SLC5A4: variants seen among roughly 807,000 people sequenced by gnomAD.
SLC5A4 encodes the protein solute carrier family 5 member 4, also known as probable glucose sensor protein SLC5A4.
In SLC5A4, 55 loss-of-function variants were observed where a neutral mutation model predicts 70.3. The observed-to-expected ratio is 0.78, with a 90% CI of 0.63 to 0.98. SLC5A4 has a LOEUF of 0.98. Among genes scored for constraint, SLC5A4 ranks in the 50% least tolerant of loss-of-function variants. The pLI, the probability that SLC5A4 is intolerant of heterozygous loss-of-function variation, is 0.00. For missense variants in SLC5A4, 735 were observed against 839.2 expected, an observed-to-expected ratio of 0.88 and a Z score of 1.53; for synonymous variants, 268 against 305.7, an observed-to-expected ratio of 0.88 and a Z score of 1.29.
At chr22:32,328,565 C>T in the SLC5A4 span, among the ~76,000 whole-genome samples, 1 of 152,140 alleles carries the variant, frequency 6.6e-6, no homozygotes. Context: ...GAACCTACTA[C>T]CAGCCACCTG....
At chr22:32,322,553 T>C in the SLC5A4 span, among the ~76,000 whole-genome samples, 1 of 147,612 alleles carries the variant, frequency 6.8e-6, no homozygotes, top group Admixed American at 6.9e-5. Context: ...GCCACTGCAC[T>C]CCAGCCTGGG....
the SLC5A4 span, among the ~76,000 whole-genome samples, chr22:32,292,135 A>ATAT: frequency 8.0e-6 from 1 of 124,760 alleles, no homozygotes; most frequent in African/African-American, 3.2e-5. Context: ...ACTAGATATT[A>ATAT]TATATTATAT....
At chr22:32,301,612 A>G in the SLC5A4 span, among the ~76,000 whole-genome samples, 72,749 of 151,944 alleles carry the variant, frequency 0.48, 17,563 homozygotes, top group Admixed American at 0.51. Context: ...CTATAAATTC[A>G]ACAAAGTCCC....
At chr22:32,327,548 A>T in the SLC5A4 span, 1 of 152,414 alleles carries the variant, frequency 6.6e-6, no homozygotes, top group Admixed American at 6.5e-5. Context: ...GCTGGGGACC[A>T]GATCTTCTCA....
chr22:32,311,770 A>G, the SLC5A4 span, among the ~76,000 whole-genome samples: 1 of 152,062 alleles, frequency 6.6e-6, no homozygotes, highest in Non-Finnish European at 1.5e-5. Context: ...GAATGTGCTG[A>G]GTGGATCAGC....
the SLC5A4 span, among the ~76,000 whole-genome samples, chr22:32,341,028 G>A: frequency 5.3e-5 from 8 of 152,244 alleles, no homozygotes; most frequent in East Asian, 1.9e-4. Context: ...GATGGAACAC[G>A]TGAAACAGGA....
At chr22:32,323,650 A>C in the SLC5A4 span, among the ~76,000 whole-genome samples, 1 of 152,240 alleles carries the variant, frequency 6.6e-6, no homozygotes, top group East Asian at 1.9e-4. Flanking sequence ...GGACAAAGTC[A>C]GAGGAGGCTT....
the SLC5A4 span, among the ~76,000 whole-genome samples, chr22:32,284,323 G>A: frequency 6.6e-6 from 1 of 152,194 alleles, no homozygotes; most frequent in Non-Finnish European, 1.5e-5. Context: ...GTTATCTATT[G>A]CCATATAACA....
chr22:32,291,444 T>C, the SLC5A4 span, among the ~76,000 whole-genome samples: 1 of 152,198 alleles, frequency 6.6e-6, no homozygotes, highest in Admixed American at 6.5e-5. Flanking sequence ...CCCAAAGTGC[T>C]GGGATTACAG....
chr22:32,292,448 CAT>C, the SLC5A4 span, among the ~76,000 whole-genome samples: 5 of 149,246 alleles, frequency 3.4e-5, no homozygotes, highest in Middle Eastern at 6.9e-3. Context: ...AGAAAATCCC[CAT>C]ATGTTTGGAA....
chr22:32,286,775 A>G, the SLC5A4 span, among the ~76,000 whole-genome samples: 1 of 152,238 alleles, frequency 6.6e-6, no homozygotes, highest in African/African-American at 2.4e-5. Context: ...TCTTCATTCA[A>G]CAAAGCCTTA....
the SLC5A4 span, among the ~76,000 whole-genome samples, chr22:32,301,615 A>G: frequency 2.0e-5 from 3 of 152,188 alleles, no homozygotes; most frequent in African/African-American, 7.2e-5. Flanking sequence ...TAAATTCAAC[A>G]AAGTCCCTCT....
the SLC5A4 span, among the ~76,000 whole-genome samples, chr22:32,352,664 G>A: frequency 1.3e-5 from 2 of 152,118 alleles, no homozygotes; most frequent in Middle Eastern, 3.4e-3. Flanking sequence ...GCCCCCCAAC[G>A]CTCCGACCTG....
chr22:32,273,098 T>G, the SLC5A4 span: 1 of 487,618 alleles, frequency 2.1e-6, no homozygotes, highest in Non-Finnish European at 4.1e-6. Context: ...ATGGCGTCAC[T>G]GCCCACTTCT....
In SLC5A4 at chr22:32,221,039, C is replaced by T; in HGVS notation, c.1666-17G>A. 2 of 1,534,956 alleles carry T rather than the reference C, an allele frequency of 1.3e-6. No individual in the cohort carries two copies. The highest frequency in any genetic ancestry group is 1.8e-6 in the Non-Finnish European group (2 of 1,108,518). The stretch of plus-strand genomic sequence containing the variant: ...GCGGTACAGCTGAACAGGGACCATA[C>T]AAAAGTGCATTAGTAATAGGCAAAT... On this transcript the variant is annotated splice_polypyrimidine_tract_variant and intron_variant, in intron 13 of 14. Coordinates refer to ENST00000266086, the MANE Select transcript of SLC5A4 (RefSeq NM_014227.3).
At chr22:32,319,061 G>A in the SLC5A4 span, among the ~76,000 whole-genome samples, 1 of 152,202 alleles carries the variant, frequency 6.6e-6, no homozygotes, top group Non-Finnish European at 1.5e-5. Context: ...GAACCAACAA[G>A]TAAGGGGGAA....
chr22:32,292,992 T>C, the SLC5A4 span, among the ~76,000 whole-genome samples: 2 of 152,188 alleles, frequency 1.3e-5, no homozygotes, highest in Non-Finnish European at 2.9e-5. Context: ...GACATTTTCT[T>C]GTAGAATTGG....
the SLC5A4 span, chr22:32,272,353 A>G: frequency 1.2e-6 from 1 of 861,030 alleles, no homozygotes; most frequent in South Asian, 1.4e-5. Flanking sequence ...GGTGTCGGCC[A>G]TCAGCCAGAA....
At chr22:32,335,669 G>A in the SLC5A4 span, among the ~76,000 whole-genome samples, 7 of 152,150 alleles carry the variant, frequency 4.6e-5, no homozygotes, top group African/African-American at 1.2e-4. Context: ...CAGCCCAGGC[G>A]GCCCCAGAGC....
Sources: gnomAD v4.1 joint callset for allele counts (sites outside exome capture counted in the v4.1 genomes callset) on GRCh38, gnomAD v4.1.1 for gene constraint, MANE v1.5 for transcripts, NCBI Gene and HGNC (gene_info 2026-07-23, HGNC 2026-07-21) for gene names.